The following CEP85 variants were observed in gnomAD, a reference collection of about 807,000 sequenced individuals.
CEP85 encodes centrosomal protein of 85 kDa.
Under a neutral mutation model 93.7 loss-of-function variants are expected in CEP85, and 58 were observed. That is an observed-to-expected ratio of 0.62 (90% CI 0.50 to 0.77). CEP85 has a LOEUF of 0.77. Ranked by LOEUF, CEP85 falls within the 30% of genes least tolerant of loss-of-function variation. CEP85 has a pLI of 0.00. For synonymous variants in CEP85, 314 were observed against 338.6 expected, an observed-to-expected ratio of 0.93 and a Z score of 0.80; for missense variants, 868 against 922.0, an observed-to-expected ratio of 0.94 and a Z score of 0.76.
rs558771164 is a variant in CEP85 at position 26,262,707 on chromosome 1, A to C, written c.1341+2905A>C. On this transcript the variant is annotated intron_variant, in intron 7 of 13. Transcript: ENST00000451429. Reference sequence around the variant, plus strand: ...TTAGAAAAATCAAACGGCACCTGCAACACACTCTTAAATAAAGGCCAAGCT... The same window carrying C: ...TTAGAAAAATCAAACGGCACCTGCACCACACTCTTAAATAAAGGCCAAGCT... 1.2e-4 allele frequency among the ~76,000 whole-genome samples: 18 copies of C among 152,332 alleles called. No homozygotes were observed. The South Asian group carries it at 3.7e-3, about 32-fold the overall frequency.
At position 26,259,818 on chromosome 1, in the gene CEP85, G is replaced by GA. The variant is rs2089779242; in HGVS notation, c.1341+17dup. On this transcript the variant is annotated intron_variant, in intron 7 of 13. Transcript: ENST00000451429. ...GGAAGAAAGGGTGAGCTGAGTAGCT[G>GA]ATAGCCCTAGTTCACAAAGGAGTTG... 6.3e-7 allele frequency: 1 copy of GA among 1,595,928 alleles called. No homozygotes were observed. Among genetic ancestry groups the GA allele is most frequent in the African/African-American group, 1.3e-5 (1 of 74,156 alleles).
chr1:26,270,942 A>G, intron 9 of CEP85, 72 bp from the exon 10 acceptor site: 1 of 926,286 alleles, frequency 1.1e-6, no homozygotes, highest in Admixed American at 1.8e-5. Context: ...AATGTGCAAT[A>G]AGTAGCAGAA....
At position 26,275,028 on chromosome 1, in the gene CEP85, G is replaced by A. The variant is rs201784964; in HGVS notation, c.1859G>A (p.Arg620Gln). The A allele has an allele frequency of 1.8e-4, 290 of 1,586,774 alleles. 2 individuals are homozygous for A. Among genetic ancestry groups the A allele is most frequent in the East Asian group, 2.8e-4 (12 of 43,372 alleles). ...TSQALREEAQ[R>Q]RDSALQQLRT... is the part of the protein sequence containing the mutation. ...CAGGCCCTGAGAGAGGAGGCCCAGC[G>A]AAGGGATTCAGCCCTGCAGCAGCTG... The change falls in exon 12 of 14, where the codon CGA becomes CAA. Residue 620 changes from arginine (R) to glutamine (Q), a missense_variant. Coordinates refer to ENST00000451429, the MANE Select transcript of CEP85 (RefSeq NM_001319944.2).
intron 7 of CEP85, among the ~76,000 whole-genome samples, chr1:26,265,926 A>C (rs1265548271): frequency 4.0e-5 from 6 of 151,808 alleles, no homozygotes; most frequent in African/African-American, 1.2e-4. Flanking sequence ...AAAAATTTTA[A>C]GCCAGGCTCG....
At chr1:26,261,634 C>T (rs1374425271) in intron 7 of CEP85, among the ~76,000 whole-genome samples, 1 of 151,542 alleles carries the variant, frequency 6.6e-6, no homozygotes, top group Non-Finnish European at 1.5e-5. Context: ...GTGGCTCATA[C>T]CTATAATTCC....
intron 3 of CEP85, among the ~76,000 whole-genome samples, chr1:26,248,675 T>C (rs1485814354): frequency 2.0e-5 from 3 of 149,796 alleles, no homozygotes; most frequent in African/African-American, 7.4e-5. Context: ...TTTGTATTTT[T>C]AGTAGAGATG....
intron 3 of CEP85, among the ~76,000 whole-genome samples, chr1:26,248,580 C>T (rs528383141): frequency 1.3e-5 from 2 of 152,030 alleles, no homozygotes; most frequent in South Asian, 2.1e-4. Flanking sequence ...ACTGTAACCT[C>T]CACCTCCTGG....
intron 2 of CEP85, among the ~76,000 whole-genome samples, chr1:26,243,128 CTT>C (rs35251831): frequency 0.84 from 102,291 of 121,794 alleles, 43,274 homozygotes; most frequent in Non-Finnish European, 0.89. Flanking sequence ...CAGTGATTTT[CTT>C]TTTTTTTTTT....
At chr1:26,273,758 G>A (rs557224290) in intron 11 of CEP85, among the ~76,000 whole-genome samples, 2 of 152,100 alleles carry the variant, frequency 1.3e-5, no homozygotes, top group African/African-American at 4.8e-5. Context: ...TTAGCTGGGC[G>A]TGGTGTCATG....
chr1:26,234,729 G>C (rs6698557), intron 1 of CEP85, among the ~76,000 whole-genome samples: 30,999 of 152,202 alleles, frequency 0.2, 3,374 homozygotes, highest in African/African-American at 0.26. Flanking sequence ...TCTAGTCGGA[G>C]AGGTCAGGGA....
intron 10 of CEP85, 27 bp downstream of exon 10, chr1:26,271,134 G>A (rs762173958): frequency 4.3e-6 from 6 of 1,388,620 alleles, no homozygotes; most frequent in Middle Eastern, 1.8e-4. Context: ...AGGCTGTAAC[G>A]GAGGGTAGGC....
chr1:26,246,729 TA>T (rs1273363071), intron 3 of CEP85, among the ~76,000 whole-genome samples: 70 of 98,402 alleles, frequency 7.1e-4, no homozygotes, highest in Admixed American at 2.2e-3. Flanking sequence ...ACTCCGTCTT[TA>T]AAAAAAAAAA....
intron 3 of CEP85, among the ~76,000 whole-genome samples, chr1:26,249,189 C>A (rs2089563812): frequency 6.6e-6 from 1 of 152,180 alleles, no homozygotes. Flanking sequence ...TCAAGCGATT[C>A]TTCTGCCTCA....
In CEP85 at chr1:26,276,736, C is replaced by G. The variant is rs760240339; in HGVS notation, c.2104C>G (p.Leu702Val). The change falls in exon 13 of 14, where the codon CTC (leucine) becomes GTC (valine). Residue 702 changes from leucine (L) to valine (V), a missense_variant. Coordinates refer to ENST00000451429, the MANE Select transcript of CEP85 (RefSeq NM_001319944.2). Reference protein sequence around the residue: ...TQRAQGHDPNLSLLLGIHSQH... With the variant: ...TQRAQGHDPNVSLLLGIHSQH... ...GAGGGCCCAGGGCCATGACCCCAATCTCTCCCTGCTCCTGGGCATTCACTG... is the reference window on the plus strand; with the variant it reads ...GAGGGCCCAGGGCCATGACCCCAATGTCTCCCTGCTCCTGGGCATTCACTG... 16 of 1,613,622 alleles carry G rather than the reference C, an allele frequency of 9.9e-6. No homozygotes were observed. The highest frequency in any genetic ancestry group is 1.3e-5 in the African/African-American group (1 of 74,916).
rs1241552290 is a variant in CEP85, at chr1:26,271,214, G to T, written c.1743+107G>T. ...CTTGGCTTTGGGCTATCTAGGATTT[G>T]TTACCAAGAGCTTTTCTTTCTTTTC... On this transcript the variant is annotated intron_variant, in intron 10 of 13. Coordinates refer to ENST00000451429, the MANE Select transcript of CEP85 (RefSeq NM_001319944.2). 4 of 643,884 alleles carry T rather than the reference G, an allele frequency of 6.2e-6. No individual in the cohort carries two copies. In the East Asian group the frequency reaches 8.3e-5, roughly 13 times the overall value. The allele number at this position is 643,884 out of a possible 1,614,324, so 39.9% of individuals were successfully genotyped here. A position where few individuals can be genotyped will look rare whatever the true frequency, so the allele number is the denominator to read the frequency against.
At position 26,275,459 on chromosome 1, in the gene CEP85, T is replaced by C. The variant is rs575281276; in HGVS notation, c.1902+388T>C. ...CCACGCCCGGCTAATTTTTTGTATT[T>C]TAGTTGAGGTGGGGTTTCACCATGT... On this transcript the variant is annotated intron_variant, in intron 12 of 13. Transcript: ENST00000451429. 2.0e-5 allele frequency among the ~76,000 whole-genome samples: 3 copies of C among 152,162 alleles called. No homozygotes were observed. In the East Asian group the frequency reaches 5.8e-4, roughly 30 times the overall value.
chr1:26,272,313 A>C (rs1282120415), intron 11 of CEP85: 1 of 503,862 alleles, frequency 2.0e-6, no homozygotes, highest in Non-Finnish European at 3.6e-6. Flanking sequence ...AGTCAGTGGG[A>C]GGAAGGGAGG....
At chr1:26,240,897 CAA>C (rs1003410675) in intron 2 of CEP85, among the ~76,000 whole-genome samples, 6 of 115,738 alleles carry the variant, frequency 5.2e-5, no homozygotes, top group Admixed American at 9.1e-5. Flanking sequence ...GACTGTGTCT[CAA>C]AAAAAAAAAG....
At chr1:26,262,815 C>A (rs2089832646) in intron 7 of CEP85, among the ~76,000 whole-genome samples, 1 of 152,234 alleles carries the variant, frequency 6.6e-6, no homozygotes, top group African/African-American at 2.4e-5. Context: ...CTTCTCACTT[C>A]AATTTCCACC....
Sources: gnomAD v4.1 joint callset for allele counts (sites outside exome capture counted in the v4.1 genomes callset) on GRCh38, gnomAD v4.1.1 for gene constraint, MANE v1.5 for transcripts, NCBI Gene and HGNC (gene_info 2026-07-23, HGNC 2026-07-21) for gene names.